The following THRA variants were observed in gnomAD, a reference collection of about 807,000 sequenced individuals.
THRA encodes thyroid hormone receptor alpha.
In THRA, 13 loss-of-function variants were observed where a neutral mutation model predicts 45.0. The observed-to-expected ratio is 0.29, with a 90% CI of 0.19 to 0.46. THRA has a LOEUF of 0.46. THRA is among the 20% of genes least tolerant of loss of function. The probability of loss-of-function intolerance (pLI) is 1.00; values close to 1 mark genes in which losing one functional copy is unlikely to be tolerated. For synonymous variants in THRA, 195 were observed against 214.0 expected (o/e 0.91, Z 0.78); for missense variants, 278 against 556.1 (o/e 0.50, Z 5.03).
chr17:40,093,013 C>T (rs770656593), downstream of THRA: 8 of 1,605,416 alleles, frequency 5.0e-6, no homozygotes, highest in African/African-American at 2.7e-5. This position sits in a 1 kb window ranked among gnomAD's most constrained non-coding sequence, Gnocchi z 5.9. Context: ...CTTTTCGTCT[C>T]GTAAAGGAGA....
rs1194221361 is a variant in THRA, at chr17:40,092,950, G to A, written c.*3494G>A. 3.9e-6 allele frequency: 6 copies of A among 1,550,652 alleles called. No homozygotes were observed. The highest frequency in any genetic ancestry group is 3.7e-5 in the South Asian group (3 of 81,604). On this transcript the variant is annotated 3_prime_UTR_variant, in exon 9 of 9. Transcript: ENST00000450525. ...TACAAGAAGGCTCAGGGGGCCAGAG[G>A]CTCATCTTGGAATATTTTATAACAA...
intron 2 of THRA, among the ~76,000 whole-genome samples, chr17:40,075,327 G>A (rs1272103517): frequency 6.6e-6 from 1 of 152,146 alleles, no homozygotes; most frequent in African/African-American, 2.4e-5. Context: ...GCTCCGGGGA[G>A]CAGTGTGGCT....
intron 5 of THRA, chr17:40,084,290 C>T (rs540788069): frequency 7.1e-5 from 35 of 496,096 alleles, no homozygotes; most frequent in South Asian, 4.8e-4. Flanking sequence ...AGCGAAGGCA[C>T]CCCACTTCTA....
intron 7 of THRA, 116 bp downstream of exon 7, chr17:40,086,969 CAACATACACAGAT>C: frequency 3.6e-6 from 5 of 1,375,710 alleles, no homozygotes; most frequent in Admixed American, 3.8e-5. Context: ...TCCTGTAGGT[CAACATACACAGAT>C]AACATACACA....
intron 1 of THRA, among the ~76,000 whole-genome samples, chr17:40,065,858 A>G (rs1986541281): frequency 6.6e-6 from 1 of 152,122 alleles, no homozygotes; most frequent in Non-Finnish European, 1.5e-5. Flanking sequence ...CTCAGGGTGC[A>G]GGCTGCAGCC....
intron 6 of THRA, among the ~76,000 whole-genome samples, chr17:40,085,102 G>A (rs888734006): frequency 3.9e-5 from 6 of 152,158 alleles, no homozygotes; most frequent in Non-Finnish European, 8.8e-5. Flanking sequence ...CTTAGTGACT[G>A]GGAGGAGAGG....
At position 40,086,793 on chromosome 17, in the gene THRA, C is replaced by T; in HGVS notation, c.663C>T (p.Ile221=). ...AAGCCTTCAGCGAGTTTACCAAGAT[C>T]ATCACCCCGGCCATCACCCGTGTGG... is the stretch of plus-strand genomic sequence containing the variant. The part of the protein sequence containing the change: ...DLEAFSEFTK[I]ITPAITRVVD... Residue 221 remains isoleucine, a synonymous_variant, in exon 7 of 9, where the codon ATC becomes ATT. Coordinates refer to ENST00000450525, the MANE Select transcript of THRA (RefSeq NM_199334.5). The T allele has an allele frequency of 6.2e-7, 1 of 1,614,204 alleles. No individual in the cohort carries two copies. Among genetic ancestry groups the T allele is most frequent in the Non-Finnish European group, 8.5e-7 (1 of 1,180,036 alleles).
chr17:40,083,190 G>A (rs1258964996), intron 4 of THRA, among the ~76,000 whole-genome samples: 1 of 151,948 alleles, frequency 6.6e-6, no homozygotes, highest in Non-Finnish European at 1.5e-5. Context: ...GCCTCCCAAA[G>A]TGCTGGGATT....
chr17:40,093,692 G>C, downstream of THRA: 1 of 634,840 alleles, frequency 1.6e-6, no homozygotes. This position sits in a 1 kb window ranked among gnomAD's most constrained non-coding sequence, Gnocchi z 5.9. Flanking sequence ...AGAAATAGTT[G>C]TCTGTGCTTC....
chr17:40,082,491 TC>T (rs1987175527), intron 4 of THRA, among the ~76,000 whole-genome samples: 1 of 151,644 alleles, frequency 6.6e-6, no homozygotes, highest in South Asian at 2.1e-4. Flanking sequence ...TGCCTCAGCC[TC>T]CCGAGTAGCT....
chr17:40,083,730 T>A (rs1987225834), intron 4 of THRA, 105 bp from the exon 5 acceptor site: 1 of 1,432,580 alleles, frequency 7.0e-7, no homozygotes, highest in African/African-American at 1.4e-5. Context: ...CTCACTGATC[T>A]TGCCTTCCTT....
At chr17:40,069,431 C>G (rs760495862) in intron 1 of THRA, among the ~76,000 whole-genome samples, 2 of 151,784 alleles carry the variant, frequency 1.3e-5, no homozygotes, top group Non-Finnish European at 2.9e-5. Context: ...CTCTTCAGGG[C>G]TTGCAGGCAA....
chr17:40,069,657 G>T (rs1195164763), intron 1 of THRA, among the ~76,000 whole-genome samples: 1 of 152,006 alleles, frequency 6.6e-6, no homozygotes, highest in African/African-American at 2.4e-5. Flanking sequence ...TGCTTTCTTG[G>T]CTACTTGGAT....
At chr17:40,071,623 C>T (rs1408249262) in intron 1 of THRA, among the ~76,000 whole-genome samples, 5 of 152,236 alleles carry the variant, frequency 3.3e-5, no homozygotes, top group African/African-American at 1.2e-4. Context: ...CTCCTTGGGG[C>T]AGGGCCTCCC....
chr17:40,079,351 A>C (rs1323931305), intron 4 of THRA, among the ~76,000 whole-genome samples: 4 of 151,956 alleles, frequency 2.6e-5, no homozygotes, highest in Admixed American at 1.3e-4. Flanking sequence ...GGTTCAAGCA[A>C]TTCTCCCTGC....
chr17:40,088,884 C>A (rs1338146363), intron 8 of THRA, among the ~76,000 whole-genome samples: 1 of 151,432 alleles, frequency 6.6e-6, no homozygotes, highest in Non-Finnish European at 1.5e-5. Flanking sequence ...CCCATCTGCA[C>A]CCCGCCTCTC....
chr17:40,088,887 C>T (rs753713497), intron 8 of THRA, among the ~76,000 whole-genome samples: 31 of 151,684 alleles, frequency 2.0e-4, no homozygotes, highest in Admixed American at 2.0e-4. Flanking sequence ...ATCTGCACCC[C>T]GCCTCTCTGA....
chr17:40,066,690 A>G (rs111460501), intron 1 of THRA, among the ~76,000 whole-genome samples: 3,419 of 77,310 alleles, frequency 0.044, 166 homozygotes, highest in African/African-American at 0.19. Flanking sequence ...AAAAAGAAAA[A>G]CAAAAAAGAA....
intron 1 of THRA, among the ~76,000 whole-genome samples, chr17:40,068,349 CT>C (rs1986646391): frequency 6.6e-6 from 1 of 152,234 alleles, no homozygotes; most frequent in Non-Finnish European, 1.5e-5. Flanking sequence ...GTGGATTCTC[CT>C]TTTTTCCCAG....
Sources: gnomAD v4.1 joint callset for allele counts (sites outside exome capture counted in the v4.1 genomes callset) on GRCh38, gnomAD v4.1.1 for gene constraint, Gnocchi (gnomAD v3.1) non-coding constraint, MANE v1.5 for transcripts, NCBI Gene and HGNC (gene_info 2026-07-23, HGNC 2026-07-21) for gene names.